The following FRMD6 variants were observed in gnomAD, a reference collection of about 807,000 sequenced individuals.
FRMD6 encodes the protein FERM domain containing 6.
FRMD6 carries 37 observed loss-of-function variants against 73.2 expected under a neutral mutation model. The ratio of observed to expected loss-of-function variants is 0.51; its 90% CI spans 0.39 to 0.66. FRMD6 has a LOEUF of 0.66. FRMD6 is among the 30% of genes least tolerant of loss of function. The pLI, the probability that FRMD6 is intolerant of heterozygous loss-of-function variation, is 0.00. For synonymous variants in FRMD6, 273 were observed against 282.2 expected, an observed-to-expected ratio of 0.97 and a Z score of 0.33; for missense variants, 714 against 780.5, an observed-to-expected ratio of 0.91 and a Z score of 1.02.
At chr14:51,423,447 C>G in the FRMD6 span, among the ~76,000 whole-genome samples, 1 of 152,212 alleles carries the variant, frequency 6.6e-6, no homozygotes, top group Non-Finnish European at 1.5e-5. Flanking sequence ...GTCTTAGGCT[C>G]TTTTGCATGG....
chr14:51,705,882 T>TTGC (rs1896596619), intron 6 of FRMD6, among the ~76,000 whole-genome samples: 2 of 152,288 alleles, frequency 1.3e-5, no homozygotes, highest in Middle Eastern at 6.8e-3. Flanking sequence ...TCACTAAATT[T>TTGC]TGCTGCTGTA....
chr14:51,600,400 T>A (rs1310992573), intron 2 of FRMD6, among the ~76,000 whole-genome samples: 1 of 152,072 alleles, frequency 6.6e-6, no homozygotes, highest in Non-Finnish European at 1.5e-5. Context: ...CCTAGCAGAG[T>A]GCTATAACCA....
At chr14:51,548,540 G>A (rs989282236) in intron 1 of FRMD6, among the ~76,000 whole-genome samples, 13 of 152,230 alleles carry the variant, frequency 8.5e-5, no homozygotes, top group African/African-American at 2.9e-4. Flanking sequence ...TTAATTCTCC[G>A]TGGATTTCTG....
chr14:51,633,621 A>AAAAAAAAAAAAAAAAATAAAG, intron 2 of FRMD6, among the ~76,000 whole-genome samples: 1 of 99,368 alleles, frequency 1.0e-5, no homozygotes, highest in Non-Finnish European at 1.9e-5. Context: ...AAAAAAAAAA[A>AAAAAAAAAAAAAAAAATAAAG]GAAATAATTA....
At chr14:51,662,787 G>A (rs35588240) in intron 1 of FRMD6, among the ~76,000 whole-genome samples, 1 of 152,022 alleles carries the variant, frequency 6.6e-6, no homozygotes, top group Non-Finnish European at 1.5e-5. Flanking sequence ...AGGCAAAAAT[G>A]GACAAATGGG....
intron 2 of FRMD6, among the ~76,000 whole-genome samples, chr14:51,638,518 G>C (rs1891673702): frequency 6.6e-6 from 1 of 152,152 alleles, no homozygotes. Context: ...TTCCATGCTA[G>C]ATTTTACAAC....
At chr14:51,651,336 T>G (rs1332061836), upstream of FRMD6, 1 of 151,710 alleles carries the variant, frequency 6.6e-6, no homozygotes, top group Admixed American at 6.6e-5. Flanking sequence ...GGCTGCAGGA[T>G]TCACGAAGCC....
At chr14:51,627,154 C>T (rs1202835681) in intron 2 of FRMD6, among the ~76,000 whole-genome samples, 1 of 152,150 alleles carries the variant, frequency 6.6e-6, no homozygotes, top group African/African-American at 2.4e-5. Context: ...AATTCTCCCT[C>T]TTTATAATCT....
chr14:51,445,134 C>T, the FRMD6 span, among the ~76,000 whole-genome samples: 1 of 152,154 alleles, frequency 6.6e-6, no homozygotes, highest in Non-Finnish European at 1.5e-5. Flanking sequence ...TTGCTCCCTG[C>T]CAAGAGAAGC....
intron 2 of FRMD6, among the ~76,000 whole-genome samples, chr14:51,589,662 C>T (rs924200851): frequency 1.3e-5 from 2 of 151,876 alleles, no homozygotes; most frequent in African/African-American, 4.9e-5. Flanking sequence ...CAGGAAGTAG[C>T]TCTGAGTTCA....
intron 1 of FRMD6, among the ~76,000 whole-genome samples, chr14:51,502,561 T>C (rs1883684480): frequency 6.6e-6 from 1 of 152,214 alleles, no homozygotes; most frequent in African/African-American, 2.4e-5. Flanking sequence ...GGTCTATGTG[T>C]CTGCTCTTGT....
intron 2 of FRMD6, among the ~76,000 whole-genome samples, chr14:51,638,456 C>CT (rs1234501258): frequency 6.6e-6 from 1 of 152,124 alleles, no homozygotes; most frequent in African/African-American, 2.4e-5. Context: ...CCTGGAGACA[C>CT]TTACTGCCGG....
chr14:51,442,037 C>T, the FRMD6 span, among the ~76,000 whole-genome samples: 3 of 152,182 alleles, frequency 2.0e-5, no homozygotes, highest in African/African-American at 7.2e-5. Flanking sequence ...CTCAAAACTT[C>T]GTACCATCAG....
At chr14:51,557,499 G>T (rs184343048) in intron 1 of FRMD6, among the ~76,000 whole-genome samples, 1 of 152,200 alleles carries the variant, frequency 6.6e-6, no homozygotes, top group African/African-American at 2.4e-5. Flanking sequence ...CTAGGGCAGG[G>T]TGATGGTAGG....
chr14:51,568,383 G>A (rs59633030), intron 1 of FRMD6, among the ~76,000 whole-genome samples: 19,636 of 152,304 alleles, frequency 0.13, 1,475 homozygotes, highest in Non-Finnish European at 0.16. Flanking sequence ...GCTGTAAGCA[G>A]CCTTAATCCA....
chr14:51,502,637 AC>A (rs1883689155), intron 1 of FRMD6, among the ~76,000 whole-genome samples: 2 of 151,852 alleles, frequency 1.3e-5, no homozygotes, highest in South Asian at 2.1e-4. Context: ...TAACATGATG[AC>A]TCCAGCTTTC....
At chr14:51,559,737 G>A (rs1349331495) in intron 1 of FRMD6, among the ~76,000 whole-genome samples, 2 of 151,986 alleles carry the variant, frequency 1.3e-5, no homozygotes, top group Non-Finnish European at 2.9e-5. Context: ...CCCTAATCAA[G>A]AACAAATAAG....
intron 1 of FRMD6, among the ~76,000 whole-genome samples, chr14:51,560,126 C>A (rs1887394172): frequency 1.3e-5 from 2 of 152,136 alleles, no homozygotes; most frequent in East Asian, 3.8e-4. Flanking sequence ...CATTTATGGA[C>A]ATGGAATAAA....
At chr14:51,546,043 A>G (rs1886447858) in intron 1 of FRMD6, among the ~76,000 whole-genome samples, 1 of 152,206 alleles carries the variant, frequency 6.6e-6, no homozygotes, top group South Asian at 2.1e-4. Context: ...AAAACAGCTC[A>G]TCGAAATTCC....
Sources: gnomAD v4.1 joint callset for allele counts (sites outside exome capture counted in the v4.1 genomes callset) on GRCh38, gnomAD v4.1.1 for gene constraint, MANE v1.5 for transcripts, NCBI Gene and HGNC (gene_info 2026-07-23, HGNC 2026-07-21) for gene names.